The following LSM14B variants were observed in gnomAD, a reference collection of about 807,000 sequenced individuals.
LSM14B encodes protein LSM14 homolog B.
In LSM14B, 8 loss-of-function variants were observed where a neutral mutation model predicts 42.1. The ratio of observed to expected loss-of-function variants is 0.19; its 90% confidence interval spans 0.11 to 0.34. LSM14B has a LOEUF of 0.34. Among genes scored for constraint, LSM14B ranks in the 10% least tolerant of loss-of-function variants. The pLI, the probability that LSM14B is intolerant of heterozygous loss-of-function variation, is 1.00. For missense variants in LSM14B, 396 were observed against 513.1 expected (o/e 0.77, Z 2.21); for synonymous variants, 219 against 209.7 (o/e 1.04, Z -0.38).
intron 8 of LSM14B, 64 bp from the exon 9 acceptor site, chr20:62,134,099 G>A: frequency 5.2e-6 from 2 of 381,758 alleles, no homozygotes; most frequent in Non-Finnish European, 1.1e-5. Flanking sequence ...GCTCCTGCTC[G>A]CCAGCAGGGG....
chr20:62,122,899 C>G lies in LSM14B; in HGVS notation c.127+106C>G. The G allele has an allele frequency of 9.4e-7, 1 of 1,065,152 alleles. No homozygotes were observed. The highest frequency in any genetic ancestry group is 4.1e-5 in the East Asian group (1 of 24,570). The allele number at this position is 1,065,152 out of a possible 1,614,324, so 66.0% of individuals were successfully genotyped here. A position where few individuals can be genotyped will look rare whatever the true frequency, so the allele number is the denominator to read the frequency against. ...CGCCCCGGAGCCTGGCGCCCAGACC[C>G]CGCCCAGAACCCACCCAGGGCACAC... On this transcript the variant is annotated intron_variant, in intron 1 of 8. Coordinates refer to ENST00000279068, the MANE Select transcript of LSM14B (RefSeq NM_144703.3). This position sits in a 1 kb window ranked among gnomAD's most constrained non-coding sequence, Gnocchi z 4.6.
rs1277628997 is a variant in LSM14B, at chr20:62,130,741, G to A, written c.835+50G>A. The A allele has an allele frequency of 6.3e-7, 1 of 1,576,112 alleles. No homozygotes were observed. Among genetic ancestry groups the A allele is most frequent in the Non-Finnish European group, 8.6e-7 (1 of 1,160,812 alleles). ...TTCTCTGCACAGGAGTACCCCTAGA[G>A]AGTGTTAGGAGGAGATGCCTGGCCG... On this transcript the variant is annotated intron_variant, in intron 6 of 8. Coordinates refer to ENST00000279068, the MANE Select transcript of LSM14B (RefSeq NM_144703.3). This position sits in a 1 kb window ranked among gnomAD's most constrained non-coding sequence, Gnocchi z 4.1.
At chr20:62,123,109 C>T (rs2056457591) in intron 1 of LSM14B, 1 of 157,468 alleles carries the variant, frequency 6.4e-6, no homozygotes, top group Non-Finnish European at 1.4e-5. Context: ...CGCGGTGCCG[C>T]CCCCTCGGCC....
intron 6 of LSM14B, among the ~76,000 whole-genome samples, chr20:62,131,021 G>T (rs2145632420): frequency 6.6e-6 from 1 of 152,326 alleles, no homozygotes; most frequent in East Asian, 1.9e-4. Flanking sequence ...CTGCACTCCA[G>T]CCGGGCGATA....
rs1339087781 is a variant in LSM14B, at chr20:62,131,404, A to G, written c.884A>G (p.Gln295Arg). 1.2e-6 allele frequency: 2 copies of G among 1,612,782 alleles called. No homozygotes were observed. The highest frequency in any genetic ancestry group is 1.1e-5 in the South Asian group (1 of 90,964). The change falls in exon 7 of 9, where the codon CAG (glutamine) becomes CGG (arginine). Residue 295 changes from glutamine (Q) to arginine (R), a missense_variant. By Grantham distance (43) the Gln-to-Arg change is conservative. Transcript: ENST00000279068. ...GEEKDLAVVT[Q>R]SAEAPAEEDL... ...GAGAAGGACCTGGCTGTGGTGACCC[A>G]GAGTGCCGAAGCGCCCGCTGAGGAA...
At chr20:62,124,801 C>G in intron 2 of LSM14B, 21 bp downstream of exon 2, 1 of 1,602,814 alleles carries the variant, frequency 6.2e-7, no homozygotes, top group Non-Finnish European at 8.5e-7. Context: ...CACTGTCCCT[C>G]TGTGCATGCT....
chr20:62,133,590 A>G, intron 8 of LSM14B, 115 bp downstream of exon 8: 1 of 1,264,296 alleles, frequency 7.9e-7, no homozygotes. Flanking sequence ...AGAGGCCCAG[A>G]GGTGTCAAAG....
rs762227916 is a variant in LSM14B at position 62,122,829 on chromosome 20, C to G, written c.127+36C>G. On this transcript the variant is annotated intron_variant, in intron 1 of 8. Transcript: ENST00000279068. This position sits in a 1 kb window ranked among gnomAD's most constrained non-coding sequence, Gnocchi z 4.6. ...CCGCCCGCCCGAGCCCGCTGACCCC[C>G]GTCCGCCAACAGCCCCGGCCTGCGG... 6.9e-7 allele frequency: 1 copy of G among 1,458,892 alleles called. No individual in the cohort carries two copies. Among genetic ancestry groups the G allele is most frequent in the East Asian group, 3.1e-5 (1 of 32,234 alleles). 90.4% of individuals were successfully genotyped at this position (1,458,892 alleles called of 1,614,324 possible).
chr20:62,131,364 G>T lies in LSM14B; in HGVS notation c.844G>T (p.Ala282Ser). ...KKKLNFKDDK[A>S]EKGEEKDLAV... ...TCTGCTTCTTTTTGTAGATGACAAG[G>T]CTGAGAAGGGGGAAGAGAAGGACCT... The change falls in exon 7 of 9, where the codon GCT becomes TCT. Residue 282 changes from alanine (A) to serine (S), a missense_variant. Ala to Ser is a moderately conservative substitution (Grantham distance 99). This residue lies in a region of LSM14B where 118 missense variants were observed against 156.4 expected (regional missense o/e 0.75). Transcript: ENST00000279068. 1.9e-6 allele frequency: 3 copies of T among 1,598,716 alleles called. No homozygotes were observed. Among genetic ancestry groups the T allele is most frequent in the Non-Finnish European group, 2.6e-6 (3 of 1,172,108 alleles).
chr20:62,134,297 T>C lies in LSM14B; in HGVS notation c.*149T>C, dbSNP rs1424335700. The C allele has an allele frequency of 2.1e-6, 1 of 471,870 alleles. No individual in the cohort carries two copies. The highest frequency in any genetic ancestry group is 1.5e-5 in the South Asian group (1 of 64,576). 29.2% of individuals were successfully genotyped at this position (471,870 alleles called of 1,614,324 possible). A position where few individuals can be genotyped will look rare whatever the true frequency, so the allele number is the denominator to read the frequency against. On this transcript the variant is annotated 3_prime_UTR_variant, in exon 9 of 9. Transcript: ENST00000279068. ...CATACTGCTACTTGTGTTTTGGACTTAACTGAACTTGGACATGGTCTGAGT... is the reference window on the plus strand; with the variant it reads ...CATACTGCTACTTGTGTTTTGGACTCAACTGAACTTGGACATGGTCTGAGT...
chr20:62,129,952 G>A lies in LSM14B; in HGVS notation c.595G>A (p.Asp199Asn). 1 of 1,612,204 alleles carries A rather than the reference G, an allele frequency of 6.2e-7. No individual in the cohort carries two copies. The highest frequency in any genetic ancestry group is 8.5e-7 in the Non-Finnish European group (1 of 1,179,306). Residue 199 changes from aspartate to asparagine, a missense_variant and splice_region_variant, in exon 4 of 9, where the codon GAT (aspartate) becomes AAT (asparagine). Coordinates refer to ENST00000279068, the MANE Select transcript of LSM14B (RefSeq NM_144703.3). ...CCAGCCGAGCAGCAAGACGGCCAGC[G>A]GTACTTGAACACATCATTTCCTGGA... is the stretch of plus-strand genomic sequence containing the variant. ...QAQPSSKTAS[D>N]VVQPAAVQAQ... is the part of the protein sequence containing the mutation.
chr20:62,135,267 G>A lies in LSM14B; in HGVS notation c.*1119G>A, dbSNP rs997101107. The A allele has an allele frequency of 1.3e-5, 2 of 152,166 alleles. No individual in the cohort carries two copies. The highest frequency in any genetic ancestry group is 4.8e-5 in the African/African-American group (2 of 41,434). 9.4% of individuals were successfully genotyped at this position (152,166 alleles called of 1,614,324 possible). On this transcript the variant is annotated 3_prime_UTR_variant, in exon 9 of 9. Transcript: ENST00000279068. ...TTGATTAAGTTACTGTAAAAGCTTG[G>A]GTTTATTTTTGTAGGACTTAATGGC...
At chr20:62,131,298 T>G (rs1262937916) in intron 6 of LSM14B, 58 bp from the exon 7 acceptor site, 2 of 1,533,696 alleles carry the variant, frequency 1.3e-6, no homozygotes, top group African/African-American at 2.8e-5. Context: ...ACCACCCTGC[T>G]AAAAGGCTGT....
chr20:62,130,085 C>T lies in LSM14B; in HGVS notation c.595+133C>T, dbSNP rs2056722279. Reference sequence around the variant, plus strand: ...CTAAGCCCCATGTGCTTTTGCAGGGCAGGCCTGTGCAGCAGCCTCCTGCGG... The same window carrying T: ...CTAAGCCCCATGTGCTTTTGCAGGGTAGGCCTGTGCAGCAGCCTCCTGCGG... On this transcript the variant is annotated intron_variant, in intron 4 of 8. Coordinates refer to ENST00000279068, the MANE Select transcript of LSM14B (RefSeq NM_144703.3). This position sits in a 1 kb window ranked among gnomAD's most constrained non-coding sequence, Gnocchi z 4.1. 7 of 1,421,852 alleles carry T rather than the reference C, an allele frequency of 4.9e-6. No individual in the cohort carries two copies. The Admixed American group carries it at 6.7e-5, about 14-fold the overall frequency. The allele number at this position is 1,421,852 out of a possible 1,614,324, so 88.1% of individuals were successfully genotyped here.
At position 62,122,589 on chromosome 20, in the gene LSM14B, G is replaced by C. The variant is rs2056432778; in HGVS notation, c.-78G>C. 1.3e-5 allele frequency: 13 copies of C among 1,003,504 alleles called. No individual in the cohort carries two copies. The highest frequency in any genetic ancestry group is 1.6e-5 in the Non-Finnish European group (13 of 833,798). The allele number at this position is 1,003,504 out of a possible 1,614,324, so 62.2% of individuals were successfully genotyped here. On this transcript the variant is annotated 5_prime_UTR_variant, in exon 1 of 9. Coordinates refer to ENST00000279068, the MANE Select transcript of LSM14B (RefSeq NM_144703.3). The surrounding 1 kb of genome is among the most constrained non-coding windows in gnomAD (Gnocchi z 4.6). ...GGAGGAGCGCAGGAGCGGGCGGCCAGGCCACCGCGCGGCGGCGGAGCGGGC... is the reference window on the plus strand; with the variant it reads ...GGAGGAGCGCAGGAGCGGGCGGCCACGCCACCGCGCGGCGGCGGAGCGGGC...
chr20:62,130,280 T>C lies in LSM14B; in HGVS notation c.657T>C (p.Pro219=). 1 of 1,599,982 alleles carries C rather than the reference T, an allele frequency of 6.3e-7. No homozygotes were observed. The highest frequency in any genetic ancestry group is 8.5e-7 in the Non-Finnish European group (1 of 1,173,192). ...QGQVNDENRR[P]QRRRSGNRRT... is the part of the protein sequence containing the mutation. ...AGGTGAATGACGAGAACAGAAGACC[T>C]CAGAGGAGGCGATCAGGTAACACCT... is the stretch of plus-strand genomic sequence containing the variant. The change falls in exon 5 of 9, where the codon CCT becomes CCC. Residue 219 remains proline, a synonymous_variant. Transcript: ENST00000279068. The surrounding 1 kb of genome is among the most constrained non-coding windows in gnomAD (Gnocchi z 4.1).
chr20:62,132,777 G>A (rs1408880761), intron 7 of LSM14B, among the ~76,000 whole-genome samples: 3 of 152,306 alleles, frequency 2.0e-5, no homozygotes, highest in Middle Eastern at 3.4e-3. Flanking sequence ...TGGGTGCACA[G>A]TTGGATGTGG....
chr20:62,129,925 G>T lies in LSM14B; in HGVS notation c.568G>T (p.Ala190Ser), dbSNP rs377167807. 5 of 1,613,024 alleles carry T rather than the reference G, an allele frequency of 3.1e-6. No homozygotes were observed. The African/African-American group carries it at 6.7e-5, about 22-fold the overall frequency. ...TTGTQLNGRQ[A>S]QPSSKTASDV... ...AGGGACGCAGCTCAACGGTCGTCAG[G>T]CCCAGCCGAGCAGCAAGACGGCCAG... is the stretch of plus-strand genomic sequence containing the variant. Residue 190 changes from alanine (A) to serine (S), a missense_variant, in exon 4 of 9, where the codon GCC becomes TCC. Transcript: ENST00000279068.
intron 1 of LSM14B, chr20:62,123,111 C>T (rs1011086609): frequency 6.4e-6 from 1 of 157,040 alleles, no homozygotes; most frequent in African/African-American, 2.4e-5. Flanking sequence ...CGGTGCCGCC[C>T]CCTCGGCCGC....
Sources: allele counts gnomAD v4.1 joint callset (sites outside exome capture counted in the v4.1 genomes callset), GRCh38; gene constraint gnomAD v4.1.1; regional missense constraint gnomAD v4.1.1; non-coding constraint Gnocchi (gnomAD v3.1); transcripts MANE v1.5; gene names NCBI Gene and HGNC (gene_info 2026-07-23, HGNC 2026-07-21).